The following STAB2 variants were observed in gnomAD, a reference collection of about 807,000 sequenced individuals.
The protein encoded by STAB2 is stabilin-2.
Under a neutral mutation model 338.1 loss-of-function variants are expected in STAB2, and 288 were observed. That is an observed-to-expected ratio of 0.85 (90% confidence interval 0.77 to 0.94). The LOEUF is 0.94. Ranked by LOEUF, STAB2 falls within the 40% of genes least tolerant of loss-of-function variation. STAB2 has a pLI of 0.00. For missense variants in STAB2, 3,141 were observed against 3,210.1 expected, an observed-to-expected ratio of 0.98 and a Z score of 0.52; for synonymous variants, 1,202 against 1,193.3, an observed-to-expected ratio of 1.01 and a Z score of -0.15.
rs762900344 is a variant in STAB2 at position 103,669,541 on chromosome 12, A to G, written c.2173A>G (p.Ile725Val). Reference protein sequence around the residue: ...CARYCNATVKIPKCCKGFYGP... With the variant: ...CARYCNATVKVPKCCKGFYGP... ...GGGGAACACGCATTTTGTTTTTCAG[A>G]TTCCAAAGTGCTGCAAAGGCTTCTA... The change falls in exon 21 of 69, where the codon ATT becomes GTT. Residue 725 changes from isoleucine (I) to valine (V), a missense_variant and splice_region_variant. By Grantham distance (29) the Ile-to-Val change is conservative. Transcript: ENST00000388887. The G allele has an allele frequency of 2.5e-6, 4 of 1,614,038 alleles. No individual in the cohort carries two copies. Among genetic ancestry groups the G allele is most frequent in the Non-Finnish European group, 3.4e-6 (4 of 1,180,002 alleles).
chr12:103,743,023 C>CTTTTTTTTTT (rs34478982), intron 56 of STAB2, among the ~76,000 whole-genome samples: 2 of 134,746 alleles, frequency 1.5e-5, no homozygotes, highest in Non-Finnish European at 1.5e-5. Context: ...ATTTTTTTTT[C>CTTTTTTTTTT]TTTTTTTTTT....
intron 6 of STAB2, among the ~76,000 whole-genome samples, chr12:103,636,290 A>G (rs1002826294): frequency 6.7e-6 from 1 of 148,704 alleles, no homozygotes; most frequent in African/African-American, 2.5e-5. Context: ...GAGTGAGAAC[A>G]TGCGGTGTTT....
At chr12:103,737,017 A>T (rs536390338) in intron 52 of STAB2, among the ~76,000 whole-genome samples, 2 of 152,354 alleles carry the variant, frequency 1.3e-5, no homozygotes, top group Non-Finnish European at 2.9e-5. Context: ...GAAAAAAGAA[A>T]TTATCATTAC....
intron 25 of STAB2, 60 bp from the exon 26 acceptor site, chr12:103,683,145 G>A (rs962029790): frequency 1.4e-6 from 2 of 1,474,700 alleles, no homozygotes; most frequent in African/African-American, 2.8e-5. Context: ...CTGTGTGAGG[G>A]AAAGACATGG....
rs1957143272 is a variant in STAB2, at chr12:103,612,639, C to T, written c.332-7829C>T. 5.3e-5 allele frequency among the ~76,000 whole-genome samples: 8 copies of T among 152,218 alleles called. No individual in the cohort carries two copies. In the South Asian group the frequency reaches 1.7e-3, roughly 32 times the overall value. ...CTTTGCCATGGGTTCAAACTTCCTCCTTTAGCTCGGAGAAGTTTGATCATC... is the reference window on the plus strand; with the variant it reads ...CTTTGCCATGGGTTCAAACTTCCTCTTTTAGCTCGGAGAAGTTTGATCATC... On this transcript the variant is annotated intron_variant, in intron 3 of 68. Transcript: ENST00000388887.
intron 6 of STAB2, among the ~76,000 whole-genome samples, chr12:103,635,467 G>A (rs1293074672): frequency 6.6e-6 from 1 of 152,188 alleles, no homozygotes; most frequent in Non-Finnish European, 1.5e-5. Flanking sequence ...TCCAGTGCCG[G>A]GTTCCTGCAG....
chr12:103,685,946 G>A (rs913533798), intron 27 of STAB2, among the ~76,000 whole-genome samples: 21 of 151,580 alleles, frequency 1.4e-4, no homozygotes, highest in African/African-American at 5.1e-4. Flanking sequence ...TGGTAGCCAC[G>A]AATCCACTCT....
chr12:103,652,547 C>A lies in STAB2; in HGVS notation c.1258-9C>A. 1 of 1,539,164 alleles carries A rather than the reference C, an allele frequency of 6.5e-7. No homozygotes were observed. Among genetic ancestry groups the A allele is most frequent in the Non-Finnish European group, 8.7e-7 (1 of 1,144,292 alleles). The stretch of plus-strand genomic sequence containing the variant: ...TCAAATAATAGTAAAATTGGCTCTT[C>A]TCTCTTAGGTAAATGAGCTTTTGGT... On this transcript the variant is annotated splice_polypyrimidine_tract_variant and intron_variant, in intron 11 of 68. Transcript: ENST00000388887.
intron 24 of STAB2, among the ~76,000 whole-genome samples, chr12:103,676,431 A>G (rs962564643): frequency 6.6e-6 from 1 of 152,184 alleles, no homozygotes; most frequent in Admixed American, 6.5e-5. Flanking sequence ...AAGACATTCC[A>G]TAGGTCAATG....
intron 27 of STAB2, among the ~76,000 whole-genome samples, chr12:103,685,764 C>G (rs995551594): frequency 6.6e-6 from 1 of 152,164 alleles, no homozygotes; most frequent in Non-Finnish European, 1.5e-5. Context: ...ATCAGCATTG[C>G]TCCTACATTT....
chr12:103,672,333 C>T (rs1875881768), intron 22 of STAB2, among the ~76,000 whole-genome samples: 1 of 152,162 alleles, frequency 6.6e-6, no homozygotes, highest in Admixed American at 6.6e-5. Context: ...ATCCCAAGGC[C>T]TGACAATGTT....
chr12:103,708,819 T>A lies in STAB2; in HGVS notation c.4288+283T>A, dbSNP rs540948940. Among the ~76,000 whole-genome samples, 55 of 152,296 alleles carry A rather than the reference T, an allele frequency of 3.6e-4. 1 individual carries two copies. The South Asian group carries it at 0.011, about 30-fold the overall frequency. ...AATGTGTAGGGAATCACACTTTACA[T>A]ATTGTCTAGTAACCTACTTTTCCAC... On this transcript the variant is annotated intron_variant, in intron 39 of 68. Coordinates refer to ENST00000388887, the MANE Select transcript of STAB2 (RefSeq NM_017564.10).
chr12:103,592,940 A>G (rs1956821978), intron 2 of STAB2, among the ~76,000 whole-genome samples: 1 of 152,148 alleles, frequency 6.6e-6, no homozygotes, highest in Non-Finnish European at 1.5e-5. Flanking sequence ...TGTCTAGCTT[A>G]TCTCACTTAG....
intron 3 of STAB2, among the ~76,000 whole-genome samples, chr12:103,605,929 C>T (rs552881128): frequency 4.6e-5 from 7 of 152,124 alleles, no homozygotes; most frequent in African/African-American, 1.7e-4. Flanking sequence ...GCCCTTTCAA[C>T]TAATATGACA....
chr12:103,709,720 T>A (rs1308471433), intron 39 of STAB2, among the ~76,000 whole-genome samples: 1 of 152,186 alleles, frequency 6.6e-6, no homozygotes, highest in Non-Finnish European at 1.5e-5. Flanking sequence ...GAAGTCTGAA[T>A]GGTCCCAAGC....
At position 103,651,911 on chromosome 12, in the gene STAB2, C is replaced by T. The variant is rs144588606; in HGVS notation, c.1258-645C>T. ...CACGATTAACCTGTCTGATATTCATCTCTCTATTGTTCACCTTCAGAGATG... is the reference window on the plus strand; with the variant it reads ...CACGATTAACCTGTCTGATATTCATTTCTCTATTGTTCACCTTCAGAGATG... On this transcript the variant is annotated intron_variant, in intron 11 of 68. Transcript: ENST00000388887. Among the ~76,000 whole-genome samples, 1,116 of 152,336 alleles carry T rather than the reference C, an allele frequency of 7.3e-3. 12 individuals carry two copies. The highest frequency in any genetic ancestry group is 0.026 in the African/African-American group (1,068 of 41,582).
intron 59 of STAB2, among the ~76,000 whole-genome samples, chr12:103,749,952 A>G (rs1462863524): frequency 1.3e-5 from 2 of 150,746 alleles, no homozygotes; most frequent in Non-Finnish European, 3.0e-5. Flanking sequence ...GTGGTTCTAG[A>G]GTCAGATTGC....
At chr12:103,648,936 C>T (rs1873534709) in intron 10 of STAB2, 113 bp downstream of exon 10, 13 of 1,441,592 alleles carry the variant, frequency 9.0e-6, no homozygotes, top group Non-Finnish European at 1.1e-5. Flanking sequence ...TAGAATCAGC[C>T]TTTTTGGAGG....
At chr12:103,624,788 A>C (rs914087180) in intron 5 of STAB2, among the ~76,000 whole-genome samples, 2 of 152,050 alleles carry the variant, frequency 1.3e-5, no homozygotes, top group African/African-American at 4.8e-5. Flanking sequence ...AAATACAAAA[A>C]TTAGCCGTGT....
Sources: allele counts gnomAD v4.1 joint callset (sites outside exome capture counted in the v4.1 genomes callset), GRCh38; gene constraint gnomAD v4.1.1; transcripts MANE v1.5; gene names NCBI Gene and HGNC (gene_info 2026-07-23, HGNC 2026-07-21).